Variants in MAPKAP1 observed in about 807,000 individuals in gnomAD.
The protein encoded by MAPKAP1 is target of rapamycin complex 2 subunit MAPKAP1.
MAPKAP1 carries 20 observed loss-of-function variants against 65.7 expected under a neutral mutation model. That is an observed-to-expected ratio of 0.30 (90% CI 0.21 to 0.44). MAPKAP1 has a LOEUF of 0.44. Ranked by LOEUF, MAPKAP1 falls within the 20% of genes least tolerant of loss-of-function variation. The probability of loss-of-function intolerance (pLI) is 1.00; values close to 1 mark genes in which losing one functional copy is unlikely to be tolerated. For synonymous variants in MAPKAP1, 222 were observed against 244.3 expected, an observed-to-expected ratio of 0.91 and a Z score of 0.85; for missense variants, 423 against 648.0, an observed-to-expected ratio of 0.65 and a Z score of 3.77.
chr9:125,487,338 G>GTCT (rs35774088), intron 8 of MAPKAP1, among the ~76,000 whole-genome samples: 104,229 of 151,660 alleles, frequency 0.69, 35,913 homozygotes, highest in Middle Eastern at 0.74. Flanking sequence ...ACTTTTTCCA[G>GTCT]TCATTTTTAC....
chr9:125,701,404 T>C (rs1198392852), intron 1 of MAPKAP1, among the ~76,000 whole-genome samples: 1 of 152,228 alleles, frequency 6.6e-6, no homozygotes, highest in Non-Finnish European at 1.5e-5. Context: ...GGAAAAAAGA[T>C]CCGAGGATTT....
chr9:125,606,582 TG>T (rs1379466889), intron 4 of MAPKAP1, among the ~76,000 whole-genome samples: 4 of 152,320 alleles, frequency 2.6e-5, no homozygotes, highest in African/African-American at 9.6e-5. Context: ...ATAGAGCAGA[TG>T]CTCAAATATT....
At chr9:125,502,401 C>T (rs1829011005) in intron 8 of MAPKAP1, among the ~76,000 whole-genome samples, 1 of 152,142 alleles carries the variant, frequency 6.6e-6, no homozygotes, top group African/African-American at 2.4e-5. Flanking sequence ...GTGCCCTGCT[C>T]AGCCTTTCTT....
At chr9:125,693,870 C>A (rs1192374577) in intron 1 of MAPKAP1, among the ~76,000 whole-genome samples, 1 of 151,144 alleles carries the variant, frequency 6.6e-6, no homozygotes, top group East Asian at 1.9e-4. Flanking sequence ...CACACACACA[C>A]ACATATATAT....
At chr9:125,498,523 A>C (rs1828874065) in intron 8 of MAPKAP1, among the ~76,000 whole-genome samples, 2 of 152,210 alleles carry the variant, frequency 1.3e-5, no homozygotes, top group South Asian at 4.1e-4. Context: ...CAAATACGTA[A>C]TTTTTAAAAA....
chr9:125,519,781 G>A (rs936304108), intron 7 of MAPKAP1, among the ~76,000 whole-genome samples: 1 of 151,698 alleles, frequency 6.6e-6, no homozygotes, highest in Admixed American at 6.6e-5. Flanking sequence ...AACTATGCCC[G>A]CCCCAGCCTC....
chr9:125,521,746 G>A (rs752990110), intron 7 of MAPKAP1: 6 of 1,612,698 alleles, frequency 3.7e-6, no homozygotes, highest in Non-Finnish European at 4.2e-6. Flanking sequence ...AGTGAAATTA[G>A]TGAATTTAGT....
At chr9:125,515,430 T>C (rs926538735) in intron 7 of MAPKAP1, among the ~76,000 whole-genome samples, 3 of 152,204 alleles carry the variant, frequency 2.0e-5, no homozygotes, top group African/African-American at 7.2e-5. Context: ...CTATCTCTCT[T>C]TCTGCTGACA....
At chr9:125,529,693 T>C (rs1051456505) in intron 7 of MAPKAP1, among the ~76,000 whole-genome samples, 10 of 151,766 alleles carry the variant, frequency 6.6e-5, no homozygotes, top group African/African-American at 1.5e-4. Context: ...GTTTGAAAAA[T>C]TGGTTCGATG....
intron 4 of MAPKAP1, among the ~76,000 whole-genome samples, chr9:125,631,304 CCAG>C (rs2131685151): frequency 6.6e-6 from 1 of 152,310 alleles, no homozygotes; most frequent in South Asian, 2.1e-4. Context: ...TACTCAGTCT[CCAG>C]CATTTTGTTA....
At chr9:125,624,429 A>G (rs1459104228) in intron 4 of MAPKAP1, among the ~76,000 whole-genome samples, 7 of 71,846 alleles carry the variant, frequency 9.7e-5, no homozygotes, top group South Asian at 7.0e-4. Flanking sequence ...TCCGGGAGGG[A>G]GGTGGGGGGG....
At chr9:125,560,429 C>T (rs906073651) in intron 5 of MAPKAP1, among the ~76,000 whole-genome samples, 26 of 152,028 alleles carry the variant, frequency 1.7e-4, no homozygotes, top group African/African-American at 6.0e-4. Context: ...TGCTAAAATA[C>T]AAAAATTAGC....
chr9:125,586,510 G>GC (rs1554826681), intron 4 of MAPKAP1, among the ~76,000 whole-genome samples: 24 of 145,264 alleles, frequency 1.7e-4, no homozygotes, highest in African/African-American at 2.5e-4. Flanking sequence ...CTTTGTTGTT[G>GC]TTTTTTTTTT....
chr9:125,563,106 C>T (rs1257826586), intron 5 of MAPKAP1, among the ~76,000 whole-genome samples: 1 of 152,204 alleles, frequency 6.6e-6, no homozygotes, highest in Non-Finnish European at 1.5e-5. Context: ...TGCTCATGAT[C>T]ACCCAATTAA....
At chr9:125,581,907 T>C (rs1024882744) in intron 5 of MAPKAP1, among the ~76,000 whole-genome samples, 4 of 152,220 alleles carry the variant, frequency 2.6e-5, no homozygotes, top group African/African-American at 4.8e-5. Context: ...AACCCACTCC[T>C]ATCTGTCTTC....
chr9:125,692,199 C>T (rs569965415), intron 1 of MAPKAP1, among the ~76,000 whole-genome samples: 12 of 152,254 alleles, frequency 7.9e-5, no homozygotes, highest in South Asian at 2.1e-4. Context: ...TATGTTCACA[C>T]GAAAATTTGT....
intron 1 of MAPKAP1, among the ~76,000 whole-genome samples, chr9:125,698,287 AAATATATAT>A (rs1401986678): frequency 0.013 from 339 of 27,086 alleles, 8 homozygotes; most frequent in African/African-American, 0.049. Context: ...TAATATATAT[AAATATATAT>A]ATATATATAT....
At chr9:125,621,064 G>C (rs373708363) in intron 4 of MAPKAP1, among the ~76,000 whole-genome samples, 9 of 152,214 alleles carry the variant, frequency 5.9e-5, no homozygotes, top group African/African-American at 2.2e-4. Flanking sequence ...TTGAGCGCAG[G>C]AGTTTGGGAC....
intron 4 of MAPKAP1, among the ~76,000 whole-genome samples, chr9:125,631,889 A>C (rs1833294256): frequency 6.6e-6 from 1 of 152,088 alleles, no homozygotes; most frequent in African/African-American, 2.4e-5. Context: ...ATATTCTCCC[A>C]TGCGAAGCCC....
Sources: gnomAD v4.1 joint callset for allele counts (sites outside exome capture counted in the v4.1 genomes callset) on GRCh38, gnomAD v4.1.1 for gene constraint, MANE v1.5 for transcripts, NCBI Gene and HGNC (gene_info 2026-07-23, HGNC 2026-07-21) for gene names.